Variants in RGS5 observed in about 807,000 individuals in gnomAD.
The protein encoded by RGS5 is regulator of G protein signaling 5, also known as regulator of G-protein signalling 5.
A neutral mutation model predicts 18.9 loss-of-function variants in RGS5; 20 were observed. The ratio of observed to expected loss-of-function variants is 1.06; its 90% CI spans 0.74 to 1.54. The LOEUF is 1.54. RGS5 is among the 40% of genes most tolerant of loss of function. The pLI, the probability that RGS5 is intolerant of heterozygous loss-of-function variation, is 0.00. For missense variants in RGS5, 201 were observed against 211.8 expected (o/e 0.95, Z 0.32); for synonymous variants, 57 against 76.2 (o/e 0.75, Z 1.31).
chr1:163,217,655 T>C, upstream of RGS5: 1 of 1,500,702 alleles, frequency 6.7e-7, no homozygotes, highest in African/African-American at 1.4e-5. Flanking sequence ...CTAGTGTTCC[T>C]TAGAATTTGT....
intron 1 of RGS5, 81 bp from the exon 2 acceptor site, chr1:163,168,449 G>T (rs1051971995): frequency 9.6e-7 from 1 of 1,041,020 alleles, no homozygotes; most frequent in Non-Finnish European, 1.4e-6. Flanking sequence ...CTGTGTCAGA[G>T]AAACAAAAAT....
chr1:163,287,383 G>A (rs1004992688), intron 2 of RGS5, among the ~76,000 whole-genome samples: 2 of 152,106 alleles, frequency 1.3e-5, no homozygotes, highest in Admixed American at 6.6e-5. Flanking sequence ...TACTACTCAT[G>A]CTCCTTCATA....
At chr1:163,208,966 C>T (rs934124585) in intron 1 of RGS5, among the ~76,000 whole-genome samples, 1 of 151,916 alleles carries the variant, frequency 6.6e-6, no homozygotes, top group Admixed American at 6.6e-5. Context: ...AACTCTACAC[C>T]CTGCTAATAG....
rs534174381 is a variant in RGS5 at position 163,293,782 on chromosome 1, T to C, written c.-281+12451A>G. On this transcript the variant is annotated intron_variant, in intron 2 of 5. Transcript: ENST00000618415. ...CAAATTAGCTACTTCCAAGATACAATGGAGGTACAGACATTGGGTAAATGT... is the reference window on the plus strand; with the variant it reads ...CAAATTAGCTACTTCCAAGATACAACGGAGGTACAGACATTGGGTAAATGT... Among the ~76,000 whole-genome samples, 107 of 152,276 alleles carry C rather than the reference T, an allele frequency of 7.0e-4. 2 individuals carry two copies. The highest frequency in any genetic ancestry group is 4.4e-4 in the Non-Finnish European group (30 of 68,010).
Position 163,281,032 on chromosome 1 carries a change from G to T in RGS5, c.-281+25201C>A, listed in dbSNP as rs570911513. On this transcript the variant is annotated intron_variant, in intron 2 of 5. Transcript: ENST00000618415. ...GGAAATGATTGAATCATGGGGGTGG[G>T]TCTTTCCTGTGCTGTCCTTGGAATA... 2.6e-5 allele frequency among the ~76,000 whole-genome samples: 4 copies of T among 152,240 alleles called. No homozygotes were observed. The South Asian group carries it at 8.3e-4, about 32-fold the overall frequency.
chr1:163,264,916 AC>A (rs1449266035), intron 2 of RGS5, among the ~76,000 whole-genome samples: 1 of 151,838 alleles, frequency 6.6e-6, no homozygotes, highest in East Asian at 1.9e-4. Flanking sequence ...ATAGACCCTT[AC>A]CCCTCTGAAT....
At chr1:163,269,110 T>C (rs145217181) in intron 2 of RGS5, among the ~76,000 whole-genome samples, 1 of 152,258 alleles carries the variant, frequency 6.6e-6, no homozygotes, top group African/African-American at 2.4e-5. Flanking sequence ...CAAAGATAAA[T>C]TGCTCTTAGA....
intron 2 of RGS5, among the ~76,000 whole-genome samples, chr1:163,269,894 A>G (rs1198871088): frequency 6.6e-6 from 1 of 152,204 alleles, no homozygotes; most frequent in East Asian, 1.9e-4. Context: ...TTTTGACATT[A>G]TACAGAATCT....
chr1:163,286,205 A>G (rs1649143508), intron 2 of RGS5, among the ~76,000 whole-genome samples: 1 of 152,180 alleles, frequency 6.6e-6, no homozygotes, highest in Admixed American at 6.6e-5. Context: ...TTTACATTGT[A>G]TTAGGTGTTA....
At chr1:163,208,378 GA>G (rs1242823343) in intron 1 of RGS5, among the ~76,000 whole-genome samples, 3 of 119,266 alleles carry the variant, frequency 2.5e-5, no homozygotes, top group African/African-American at 8.8e-5. Context: ...AAAAGGAAAA[GA>G]AAAAAAAGAA....
intron 1 of RGS5, among the ~76,000 whole-genome samples, chr1:163,180,668 T>G (rs974513771): frequency 3.4e-5 from 5 of 148,142 alleles, no homozygotes; most frequent in African/African-American, 1.2e-4. Context: ...TGCCCCTTTG[T>G]AATAAAGCCC....
chr1:163,174,088 T>C (rs143233942), intron 1 of RGS5, among the ~76,000 whole-genome samples: 52 of 151,938 alleles, frequency 3.4e-4, no homozygotes, highest in African/African-American at 1.1e-3. Context: ...AATAAATAAA[T>C]AAACAAACAA....
intron 3 of RGS5, among the ~76,000 whole-genome samples, chr1:163,153,344 T>G (rs530879681): frequency 6.6e-6 from 1 of 152,078 alleles, no homozygotes; most frequent in Non-Finnish European, 1.5e-5. Flanking sequence ...ATTTACACGA[T>G]GAAAGGAAAA....
chr1:163,250,513 C>T (rs981623619), intron 2 of RGS5, among the ~76,000 whole-genome samples: 2 of 152,254 alleles, frequency 1.3e-5, no homozygotes, highest in African/African-American at 4.8e-5. Flanking sequence ...CCCACATTCC[C>T]TAAACCTCTG....
chr1:163,206,113 T>C (rs892745513), upstream of RGS5, among the ~76,000 whole-genome samples: 2 of 152,170 alleles, frequency 1.3e-5, no homozygotes, highest in Admixed American at 6.5e-5. Flanking sequence ...ATATATACTG[T>C]CAATAGGTTG....
At chr1:163,175,130 G>C (rs1421101118) in intron 1 of RGS5, among the ~76,000 whole-genome samples, 2 of 152,136 alleles carry the variant, frequency 1.3e-5, no homozygotes, top group Non-Finnish European at 2.9e-5. Context: ...TAGATACCCA[G>C]GAAAGAGAAA....
At chr1:163,321,093 A>T (rs1650191602) in intron 1 of RGS5, among the ~76,000 whole-genome samples, 1 of 151,926 alleles carries the variant, frequency 6.6e-6, no homozygotes, top group Non-Finnish European at 1.5e-5. Context: ...TTGCCAAAAC[A>T]AACAAACAAA....
intron 2 of RGS5, among the ~76,000 whole-genome samples, chr1:163,273,660 CA>C (rs773452408): frequency 1.1e-4 from 16 of 152,236 alleles, no homozygotes; most frequent in Non-Finnish European, 1.9e-4. Flanking sequence ...CTAAATCTAA[CA>C]TATAGGACCA....
At chr1:163,263,675 C>T (rs867994239) in intron 2 of RGS5, among the ~76,000 whole-genome samples, 3 of 152,034 alleles carry the variant, frequency 2.0e-5, no homozygotes, top group South Asian at 2.1e-4. Context: ...AAAGAAATTA[C>T]CATAATGTTG....
Sources: gnomAD v4.1 joint callset for allele counts (sites outside exome capture counted in the v4.1 genomes callset) on GRCh38, gnomAD v4.1.1 for gene constraint, MANE v1.5 for transcripts, NCBI Gene and HGNC (gene_info 2026-07-23, HGNC 2026-07-21) for gene names.